The following PLCB1 variants were observed in gnomAD, a reference collection of about 807,000 sequenced individuals.
PLCB1 encodes 1-phosphatidylinositol 4,5-bisphosphate phosphodiesterase beta-1.
In PLCB1, 46 loss-of-function variants were observed where a neutral mutation model predicts 161.8. The observed-to-expected ratio is 0.28, with a 90% CI of 0.22 to 0.36. PLCB1 has a LOEUF of 0.36. Among genes scored for constraint, PLCB1 ranks in the 10% least tolerant of loss-of-function variants. The pLI, the probability that PLCB1 is intolerant of heterozygous loss-of-function variation, is 1.00. For missense variants in PLCB1, 1,016 were observed against 1,472.5 expected, an observed-to-expected ratio of 0.69 and a Z score of 5.07; for synonymous variants, 517 against 503.7, an observed-to-expected ratio of 1.03 and a Z score of -0.35.
chr20:8,646,055 G>A (rs1284271014), intron 4 of PLCB1, 47 bp from the exon 5 acceptor site: 1 of 1,209,016 alleles, frequency 8.3e-7, no homozygotes, highest in East Asian at 2.3e-5. Context: ...TGTGTCTAAT[G>A]ACTGTGCAGT....
chr20:8,416,636 T>C (rs903013828), intron 3 of PLCB1, among the ~76,000 whole-genome samples: 1 of 152,040 alleles, frequency 6.6e-6, no homozygotes, highest in Non-Finnish European at 1.5e-5. Context: ...TCTGTAGATA[T>C]TGAGGAGGAG....
chr20:8,757,990 A>G (rs1487780608), intron 24 of PLCB1, among the ~76,000 whole-genome samples: 1 of 151,930 alleles, frequency 6.6e-6, no homozygotes, highest in Non-Finnish European at 1.5e-5. Context: ...TGTTTACCCC[A>G]GTAGATGGGA....
chr20:8,172,845 T>TGG (rs2051746189), intron 2 of PLCB1, among the ~76,000 whole-genome samples: 1 of 152,130 alleles, frequency 6.6e-6, no homozygotes, highest in South Asian at 2.1e-4. Context: ...AGAAGCAGCA[T>TGG]GGGGCAGGGT....
chr20:8,288,399 A>G (rs978302147), intron 2 of PLCB1, among the ~76,000 whole-genome samples: 14 of 152,192 alleles, frequency 9.2e-5, no homozygotes, highest in African/African-American at 3.4e-4. Context: ...GGAGATTCTG[A>G]TGCAAGTGAT....
At chr20:8,493,715 C>T (rs930973758) in intron 3 of PLCB1, among the ~76,000 whole-genome samples, 73 of 116,996 alleles carry the variant, frequency 6.2e-4, no homozygotes, top group African/African-American at 2.0e-3. Flanking sequence ...TATAGCATCA[C>T]TGGAAGCTGA....
chr20:8,717,930 C>A, intron 14 of PLCB1, 82 bp downstream of exon 14: 1 of 1,206,524 alleles, frequency 8.3e-7, no homozygotes. Context: ...GTGGCTCATG[C>A]CTGTAATACT....
At chr20:8,823,798 C>A (rs1330748555) in intron 31 of PLCB1, among the ~76,000 whole-genome samples, 1 of 152,212 alleles carries the variant, frequency 6.6e-6, no homozygotes, top group African/African-American at 2.4e-5. Flanking sequence ...ACAGGAATGC[C>A]TCTACCATCT....
chr20:8,738,031 A>G (rs1980673485), intron 20 of PLCB1, among the ~76,000 whole-genome samples: 1 of 152,230 alleles, frequency 6.6e-6, no homozygotes, highest in Admixed American at 6.5e-5. Context: ...TTTTAAAGAG[A>G]TAGTCGACTT....
chr20:8,628,576 G>T, intron 4 of PLCB1, 145 bp downstream of exon 4: 1 of 748,172 alleles, frequency 1.3e-6, no homozygotes, highest in Non-Finnish European at 2.2e-6. Context: ...CCAAGTATAA[G>T]TGCAATTAAA....
chr20:8,150,725 A>C (rs1369949717), intron 2 of PLCB1, among the ~76,000 whole-genome samples: 1 of 152,150 alleles, frequency 6.6e-6, no homozygotes, highest in Non-Finnish European at 1.5e-5. Flanking sequence ...TGATGAGAAA[A>C]TAACTTTTGA....
chr20:8,408,615 A>T (rs978836637), intron 3 of PLCB1, among the ~76,000 whole-genome samples: 4 of 152,182 alleles, frequency 2.6e-5, no homozygotes, highest in Non-Finnish European at 4.4e-5. Flanking sequence ...GTAAATTTGT[A>T]GATAGCTGAA....
At chr20:8,848,039 G>T (rs1986750823) in intron 31 of PLCB1, among the ~76,000 whole-genome samples, 1 of 152,196 alleles carries the variant, frequency 6.6e-6, no homozygotes, top group Admixed American at 6.5e-5. Context: ...AGAAGAGCAA[G>T]AGAGACCAAT....
Position 8,260,245 on chromosome 20 carries a change from A to AT in PLCB1, c.177+109890dup, listed in dbSNP as rs55691846. Among the ~76,000 whole-genome samples the AT allele has an allele frequency of 5.4e-3, 725 of 133,444 alleles. 5 individuals are homozygous for AT. Among genetic ancestry groups the AT allele is most frequent in the Middle Eastern group, 0.024 (6 of 254 alleles). The allele number at this position is 133,444 out of a possible 152,430, so 87.5% of individuals were successfully genotyped here. On this transcript the variant is annotated intron_variant, in intron 2 of 31. Transcript: ENST00000338037. The stretch of plus-strand genomic sequence containing the variant: ...ACAGGCACACACCGTAGCACCCAGC[A>AT]TTTTTTTTTTTTTTTTCTGTTAGAG...
At chr20:8,355,096 G>T (rs771601993) in intron 2 of PLCB1, among the ~76,000 whole-genome samples, 1 of 152,082 alleles carries the variant, frequency 6.6e-6, no homozygotes, top group Non-Finnish European at 1.5e-5. Flanking sequence ...TACTTAACAT[G>T]TAGAGATCTC....
Position 8,644,765 on chromosome 20 carries a change from C to T in PLCB1, c.385-1337C>T, listed in dbSNP as rs534381686. On this transcript the variant is annotated intron_variant, in intron 4 of 31. Coordinates refer to ENST00000338037, the MANE Select transcript of PLCB1 (RefSeq NM_015192.4). Reference sequence around the variant, plus strand: ...CCGGGAGGTGAGGGGCGCCTCTGCCCGGCCGCCCCTACTGGGAAGTGAGGG... The same window carrying T: ...CCGGGAGGTGAGGGGCGCCTCTGCCTGGCCGCCCCTACTGGGAAGTGAGGG... Among the ~76,000 whole-genome samples the T allele has an allele frequency of 1.4e-4, 22 of 152,106 alleles. No individual in the cohort carries two copies. In the East Asian group the frequency reaches 2.7e-3, roughly 19 times the overall value.
chr20:8,229,902 A>G (rs1365699119), intron 2 of PLCB1, among the ~76,000 whole-genome samples: 2 of 150,754 alleles, frequency 1.3e-5, no homozygotes, highest in African/African-American at 4.8e-5. Context: ...AATAAAAAAA[A>G]TAATTTAGCC....
chr20:8,622,108 G>T (rs1327470119), intron 3 of PLCB1, among the ~76,000 whole-genome samples: 3 of 152,008 alleles, frequency 2.0e-5, no homozygotes, highest in Admixed American at 2.0e-4. Context: ...ACAAATTTAG[G>T]GGGTGGTTGG....
At chr20:8,272,583 A>G (rs1387653060) in intron 2 of PLCB1, among the ~76,000 whole-genome samples, 2 of 152,078 alleles carry the variant, frequency 1.3e-5, no homozygotes, top group Non-Finnish European at 2.9e-5. Context: ...GAAGAAGTAT[A>G]TTTAGCCAAT....
chr20:8,146,567 G>A (rs568173612), intron 1 of PLCB1, among the ~76,000 whole-genome samples: 10 of 152,254 alleles, frequency 6.6e-5, no homozygotes, highest in South Asian at 2.1e-4. Context: ...TTGTCATTTC[G>A]TCTCAGTTTC....
Sources: gnomAD v4.1 joint callset for allele counts (sites outside exome capture counted in the v4.1 genomes callset) on GRCh38, gnomAD v4.1.1 for gene constraint, MANE v1.5 for transcripts, NCBI Gene and HGNC (gene_info 2026-07-23, HGNC 2026-07-21) for gene names.